The following LRSAM1 variants were observed in gnomAD, a reference collection of about 807,000 sequenced individuals.
LRSAM1 encodes E3 ubiquitin-protein ligase LRSAM1.
In LRSAM1, 96 loss-of-function variants were observed where a neutral mutation model predicts 118.1. That is an observed-to-expected ratio of 0.81 (90% CI 0.69 to 0.96). LRSAM1 has a LOEUF of 0.96. Among genes scored for constraint, LRSAM1 ranks in the 40% least tolerant of loss-of-function variants. The pLI is 0.00. For synonymous variants in LRSAM1, 322 were observed against 364.2 expected (o/e 0.88, Z 1.32); for missense variants, 804 against 915.5 (o/e 0.88, Z 1.57).
chr9:127,492,709 G>T (rs1835975258), intron 20 of LRSAM1, 93 bp from the exon 21 acceptor site: 3 of 1,172,830 alleles, frequency 2.6e-6, no homozygotes, highest in Admixed American at 3.9e-5. Flanking sequence ...AGAACCGAGT[G>T]AGCGGGAGGC....
At position 127,473,742 on chromosome 9, in the gene LRSAM1, T is replaced by C. The variant is rs1835255373; in HGVS notation, c.620-59T>C. ...GCTGCCCTGGCAGTGGGAGCGGGTG[T>C]CTCTGGGTACCTCAGCTGTCTCCTC... On this transcript the variant is annotated intron_variant, in intron 10 of 25. Transcript: ENST00000300417. 15 of 1,613,254 alleles carry C rather than the reference T, an allele frequency of 9.3e-6. No individual in the cohort carries two copies. The East Asian group carries it at 3.3e-4, about 36-fold the overall frequency.
chr9:127,457,231 G>A, intron 5 of LRSAM1, 85 bp from the exon 6 acceptor site: 17 of 1,487,882 alleles, frequency 1.1e-5, no homozygotes, highest in Admixed American at 1.7e-5. Context: ...GGCGTGGCAC[G>A]GCGCTGGGCT....
intron 15 of LRSAM1, 26 bp from the exon 16 acceptor site, chr9:127,482,924 G>T (rs1417336829): frequency 6.5e-7 from 1 of 1,549,312 alleles, no homozygotes; most frequent in Non-Finnish European, 8.7e-7. Context: ...TAAATTTGCT[G>T]AATGAATGGA....
chr9:127,501,156 C>G lies in LRSAM1; in HGVS notation c.2046+13C>G. 3 of 1,610,814 alleles carry G rather than the reference C, an allele frequency of 1.9e-6. No individual in the cohort carries two copies. The highest frequency in any genetic ancestry group is 2.7e-5 in the African/African-American group (2 of 74,966). ...CCTGGAACGGGAGGTAAGTCCGGGG[C>G]CCTCCCCACCCGCCTGCCCTGCCTG... On this transcript the variant is annotated intron_variant, in intron 25 of 25. Transcript: ENST00000300417.
Position 127,499,925 on chromosome 9 carries a change from A to G in LRSAM1, c.1913-1085A>G, listed in dbSNP as rs116715965. 5.4e-3 allele frequency among the ~76,000 whole-genome samples: 805 copies of G among 150,112 alleles called. 5 individuals are homozygous for G. Among genetic ancestry groups the G allele is most frequent in the African/African-American group, 0.019 (768 of 41,088 alleles). ...CTGGCAAGAGTGAGACTCCATCTCA[A>G]AAAAAAAAAGAAAAACTTTAGTTTT... On this transcript the variant is annotated intron_variant, in intron 24 of 25. Transcript: ENST00000300417.
intron 5 of LRSAM1, 76 bp downstream of exon 5, chr9:127,455,696 G>A: frequency 7.0e-7 from 1 of 1,425,196 alleles, no homozygotes; most frequent in Non-Finnish European, 9.9e-7. Context: ...ACTTTGAGGA[G>A]CTGTCTTCCC....
intron 2 of LRSAM1, among the ~76,000 whole-genome samples, chr9:127,453,176 G>T (rs1834386791): frequency 2.0e-5 from 3 of 152,264 alleles, no homozygotes; most frequent in South Asian, 4.1e-4. Context: ...CTGCCTCCTG[G>T]GTTCAAGCAA....
intron 7 of LRSAM1, among the ~76,000 whole-genome samples, chr9:127,460,890 C>G (rs1834714848): frequency 8.0e-6 from 1 of 125,286 alleles, no homozygotes; most frequent in Middle Eastern, 5.6e-3. Context: ...GAGTCTCACT[C>G]TGTTGCCCAG....
intron 17 of LRSAM1, among the ~76,000 whole-genome samples, chr9:127,487,158 C>T (rs1431552349): frequency 4.8e-5 from 7 of 146,440 alleles, no homozygotes; most frequent in Admixed American, 7.0e-5. Flanking sequence ...CACTCCAGCC[C>T]GGGTGACAGA....
At chr9:127,456,788 C>T (rs182217012) in intron 5 of LRSAM1, among the ~76,000 whole-genome samples, 100 of 151,934 alleles carry the variant, frequency 6.6e-4, no homozygotes, top group Middle Eastern at 6.8e-3. Flanking sequence ...ATTGCTTGAA[C>T]CTGGGAGGCG....
At chr9:127,498,856 C>T (rs1220371502) in intron 24 of LRSAM1, among the ~76,000 whole-genome samples, 1 of 151,632 alleles carries the variant, frequency 6.6e-6, no homozygotes, top group African/African-American at 2.4e-5. Flanking sequence ...GTCAGGAGTT[C>T]GAGACCAGCC....
intron 16 of LRSAM1, among the ~76,000 whole-genome samples, chr9:127,483,717 A>C (rs1835623063): frequency 6.6e-6 from 1 of 152,148 alleles, no homozygotes; most frequent in Admixed American, 6.5e-5. Context: ...AGGCTGGAGT[A>C]CAGTGGTGCG....
chr9:127,491,989 G>A (rs1438295107), intron 20 of LRSAM1, among the ~76,000 whole-genome samples: 1 of 152,228 alleles, frequency 6.6e-6, no homozygotes, highest in South Asian at 2.1e-4. Context: ...AGTTTGAGCA[G>A]AGCCTTCGGT....
At chr9:127,476,398 A>G (rs1835351699) in intron 11 of LRSAM1, among the ~76,000 whole-genome samples, 1 of 152,124 alleles carries the variant, frequency 6.6e-6, no homozygotes, top group South Asian at 2.1e-4. Flanking sequence ...ATACAAAAAA[A>G]TTAGCCAGGC....
In LRSAM1 at chr9:127,457,375, G is replaced by A. The variant is rs566623718; in HGVS notation, c.234G>A (p.Leu78=). 6.2e-7 allele frequency: 1 copy of A among 1,614,250 alleles called. No homozygotes were observed. The highest frequency in any genetic ancestry group is 1.3e-5 in the African/African-American group (1 of 75,078). The change falls in exon 6 of 26, where the codon CTG becomes CTA. Residue 78 remains leucine, a synonymous_variant. Transcript: ENST00000300417. Reference sequence around the variant, plus strand: ...TGCTTCCCAAATCCTGCAGCCTCCTGAGTCTGGCAACCATCAAGGTACTGG... The same window carrying A: ...TGCTTCCCAAATCCTGCAGCCTCCTAAGTCTGGCAACCATCAAGGTACTGG... ...TSLLPKSCSL[L]SLATIKVLDL...
chr9:127,474,382 C>T (rs189209972), intron 11 of LRSAM1, among the ~76,000 whole-genome samples: 2 of 152,068 alleles, frequency 1.3e-5, no homozygotes, highest in East Asian at 1.9e-4. Context: ...ATCCTCCCAC[C>T]TCAGACTCCC....
intron 3 of LRSAM1, 101 bp from the exon 4 acceptor site, chr9:127,454,897 T>C (rs1480814411): frequency 5.2e-6 from 6 of 1,156,686 alleles, no homozygotes; most frequent in Admixed American, 5.1e-5. Context: ...ATAGTGTCTA[T>C]GGTCCTTTGC....
chr9:127,492,781 G>C (rs200195985), intron 20 of LRSAM1, 21 bp from the exon 21 acceptor site: 29 of 1,610,764 alleles, frequency 1.8e-5, no homozygotes, highest in African/African-American at 1.7e-4. Flanking sequence ...ACGGTGGTGC[G>C]GGGTGTGGTC....
intron 6 of LRSAM1, 51 bp from the exon 7 acceptor site, chr9:127,458,952 A>G (rs1203369520): frequency 5.6e-6 from 9 of 1,596,136 alleles, no homozygotes; most frequent in Non-Finnish European, 7.7e-6. Context: ...TGGAGCCCGG[A>G]GTCTGAGGGA....
Sources: allele counts gnomAD v4.1 joint callset (sites outside exome capture counted in the v4.1 genomes callset), GRCh38; gene constraint gnomAD v4.1.1; transcripts MANE v1.5; gene names NCBI Gene and HGNC (gene_info 2026-07-23, HGNC 2026-07-21).